The following MTOR variants were observed in gnomAD, a reference collection of about 807,000 sequenced individuals.
MTOR encodes mechanistic target of rapamycin kinase.
Under a neutral mutation model 319.8 loss-of-function variants are expected in MTOR, and 70 were observed. The ratio of observed to expected loss-of-function variants is 0.22; its 90% CI spans 0.18 to 0.27. The LOEUF (loss-of-function observed/expected upper bound fraction) is 0.27, where lower values mean the gene tolerates loss of function less well. Ranked by LOEUF, MTOR falls within the 10% of genes least tolerant of loss-of-function variation. MTOR has a pLI of 1.00. For synonymous variants in MTOR, 1,183 were observed against 1,211.4 expected (o/e 0.98, Z 0.49); for missense variants, 1,890 against 3,274.4 (o/e 0.58, Z 10.32).
At chr1:11,189,224 C>T (rs141796585) in intron 28 of MTOR, 248 of 201,318 alleles carry the variant, frequency 1.2e-3, no homozygotes, top group African/African-American at 5.7e-3. Context: ...GCCTAAGTTG[C>T]CGCTGACTTC....
intron 19 of MTOR, among the ~76,000 whole-genome samples, chr1:11,222,162 A>ATT (rs1344301057): frequency 6.6e-6 from 1 of 151,802 alleles, no homozygotes; most frequent in East Asian, 1.9e-4. Flanking sequence ...TCAGTAGTTG[A>ATT]TTATATAAAG....
chr1:11,226,207 T>C (rs1006925373), intron 19 of MTOR: 1 of 152,188 alleles, frequency 6.6e-6, no homozygotes, highest in Non-Finnish European at 1.5e-5. Flanking sequence ...TAAAACTCTT[T>C]AGTATTCTCT....
At chr1:11,238,259 C>T (rs1647479693) in intron 12 of MTOR, 143 bp downstream of exon 12, 4 of 966,534 alleles carry the variant, frequency 4.1e-6, no homozygotes, top group African/African-American at 3.3e-5. Context: ...GTAGCCATGC[C>T]TAACACGCCT....
chr1:11,233,025 C>T, intron 15 of MTOR: 1 of 978,860 alleles, frequency 1.0e-6, no homozygotes, highest in South Asian at 1.3e-5. Flanking sequence ...GTAAAATCGT[C>T]CCATTCCCCA....
intron 26 of MTOR, among the ~76,000 whole-genome samples, chr1:11,200,826 T>C (rs374764138): frequency 1.3e-5 from 2 of 151,770 alleles, no homozygotes; most frequent in South Asian, 2.1e-4. Context: ...CCATCCTGGC[T>C]AACATGGTGA....
intron 30 of MTOR, among the ~76,000 whole-genome samples, chr1:11,154,733 C>T (rs1644263972): frequency 6.6e-6 from 1 of 152,070 alleles, no homozygotes; most frequent in African/African-American, 2.4e-5. Flanking sequence ...TCTGTAGTTC[C>T]TTCTACTCAG....
At chr1:11,187,903 C>G (rs1399440943) in intron 28 of MTOR, among the ~76,000 whole-genome samples, 3 of 152,188 alleles carry the variant, frequency 2.0e-5, no homozygotes, top group African/African-American at 7.2e-5. Context: ...CATCCTCACC[C>G]TTTAGCAGGC....
chr1:11,210,641 T>C (rs1050886715), intron 24 of MTOR, among the ~76,000 whole-genome samples, 173 bp downstream of exon 24: 2 of 152,236 alleles, frequency 1.3e-5, no homozygotes, highest in African/African-American at 2.4e-5. Context: ...CAGGCTGTAG[T>C]GGCAGAGCTG....
chr1:11,123,328 C>T (rs560529307), intron 47 of MTOR, among the ~76,000 whole-genome samples: 2 of 151,964 alleles, frequency 1.3e-5, no homozygotes, highest in Non-Finnish European at 2.9e-5. Flanking sequence ...CCCATCACAG[C>T]TCACTGTAGC....
chr1:11,124,630 C>A lies in MTOR; in HGVS notation c.6530G>T (p.Ser2177Ile). 6.2e-7 allele frequency: 1 copy of A among 1,608,640 alleles called. No individual in the cohort carries two copies. Among genetic ancestry groups the A allele is most frequent in the Non-Finnish European group, 8.5e-7 (1 of 1,175,282 alleles). The part of the protein sequence containing the change: ...QRPRKLTLMG[S>I]NGHEFVFLLK... ...AAGGAAAACAAACTCATGTCCGTTG[C>A]TGCCTGTAAGGAACAGTGGGAGCGG... is the stretch of plus-strand genomic sequence containing the variant. Residue 2177 changes from serine (S) to isoleucine (I), a missense_variant, in exon 47 of 58, where the codon AGC becomes ATC. This residue lies in a region of MTOR where 249 missense variants were observed against 596.2 expected (regional missense o/e 0.42). Transcript: ENST00000361445.
Position 11,132,884 on chromosome 1 carries a change from A to G in MTOR, c.5364+196T>C, listed in dbSNP as rs539945894. 243 of 576,318 alleles carry G rather than the reference A, an allele frequency of 4.2e-4. 1 individual carries two copies. In the South Asian group the frequency reaches 4.2e-3, roughly 10 times the overall value. The allele number at this position is 576,318 out of a possible 1,614,324, so 35.7% of individuals were successfully genotyped here. A position where few individuals can be genotyped will look rare whatever the true frequency, so the allele number is the denominator to read the frequency against. On this transcript the variant is annotated intron_variant, in intron 38 of 57. Coordinates refer to ENST00000361445, the MANE Select transcript of MTOR (RefSeq NM_004958.4). ...ATGGTGTAACAAGTATTTCTCCAATAATCTTTCTGTATTAATTAAACTTGT... is the reference window on the plus strand; with the variant it reads ...ATGGTGTAACAAGTATTTCTCCAATGATCTTTCTGTATTAATTAAACTTGT...
intron 28 of MTOR, chr1:11,193,485 G>A (rs1335632334): frequency 1.8e-6 from 2 of 1,130,674 alleles, no homozygotes; most frequent in South Asian, 1.6e-5. Flanking sequence ...ACATCTACTG[G>A]CTCTGCAGGG....
At position 11,107,114 on chromosome 1, in the gene MTOR, G is replaced by A. The variant is rs952090127; in HGVS notation, c.*371C>T. On this transcript the variant is annotated 3_prime_UTR_variant, in exon 58 of 58. Transcript: ENST00000361445. Reference sequence around the variant, plus strand: ...GTGCTGAGTTTGCTGTACCCATGTTGAGAGGAGCAACTAGGTCATTCTTCC... The same window carrying A: ...GTGCTGAGTTTGCTGTACCCATGTTAAGAGGAGCAACTAGGTCATTCTTCC... 5 of 1,376,444 alleles carry A rather than the reference G, an allele frequency of 3.6e-6. No individual in the cohort carries two copies. Among genetic ancestry groups the A allele is most frequent in the Non-Finnish European group, 4.8e-6 (5 of 1,042,966 alleles). 85.3% of individuals were successfully genotyped at this position (1,376,444 alleles called of 1,614,324 possible). A position where few individuals can be genotyped will look rare whatever the true frequency, so the allele number is the denominator to read the frequency against.
rs149304850 is a variant in MTOR at position 11,224,437 on chromosome 1, T to C, written c.3030+4231A>G. On this transcript the variant is annotated intron_variant, in intron 19 of 57. Coordinates refer to ENST00000361445, the MANE Select transcript of MTOR (RefSeq NM_004958.4). ...AATCTCAAAGATACATAAAACAAGA[T>C]TGACTAAACTATCAGAAAAAAGCCC... Among the ~76,000 whole-genome samples the C allele has an allele frequency of 4.7e-3, 712 of 152,238 alleles. 7 individuals are homozygous for C. The highest frequency in any genetic ancestry group is 0.017 in the African/African-American group (702 of 41,556).
At chr1:11,251,929 G>A (rs1649748295) in intron 6 of MTOR, among the ~76,000 whole-genome samples, 1 of 152,170 alleles carries the variant, frequency 6.6e-6, no homozygotes, top group Non-Finnish European at 1.5e-5. Context: ...CTAGATTACA[G>A]TGGAAAACAT....
intron 28 of MTOR, among the ~76,000 whole-genome samples, chr1:11,175,592 C>T (rs571359536): frequency 1.3e-5 from 2 of 152,344 alleles, no homozygotes; most frequent in South Asian, 4.1e-4. Context: ...GTTCCCAAGG[C>T]AGGGCAAGCA....
At chr1:11,247,475 G>C (rs1317107289) in intron 8 of MTOR, 150 bp downstream of exon 8, 1 of 686,820 alleles carries the variant, frequency 1.5e-6, no homozygotes, top group Non-Finnish European at 2.5e-6. Flanking sequence ...TAGAAAACCT[G>C]AACTAAATAG....
intron 28 of MTOR, chr1:11,194,757 G>A (rs1237259021): frequency 1.9e-5 from 31 of 1,596,364 alleles, no homozygotes; most frequent in South Asian, 3.4e-5. Flanking sequence ...TTGATATTCC[G>A]GTTTTGGTAT....
chr1:11,146,477 C>T (rs1055650328), intron 32 of MTOR, among the ~76,000 whole-genome samples, 199 bp downstream of exon 32: 3 of 152,120 alleles, frequency 2.0e-5, no homozygotes, highest in Non-Finnish European at 2.9e-5. Context: ...CACATTTGTC[C>T]CCCTCAGAAC....
Sources: allele counts gnomAD v4.1 joint callset (sites outside exome capture counted in the v4.1 genomes callset), GRCh38; gene constraint gnomAD v4.1.1; regional missense constraint gnomAD v4.1.1; transcripts MANE v1.5; gene names NCBI Gene and HGNC (gene_info 2026-07-23, HGNC 2026-07-21).